NBEAL1: variants seen among roughly 807,000 people sequenced by gnomAD.
NBEAL1 encodes neurobeachin-like protein 1.
Under a neutral mutation model 351.3 loss-of-function variants are expected in NBEAL1, and 273 were observed. The ratio of observed to expected loss-of-function variants is 0.78; its 90% CI spans 0.70 to 0.86. NBEAL1 has a LOEUF of 0.86. Ranked by LOEUF, NBEAL1 falls within the 40% of genes least tolerant of loss-of-function variation. NBEAL1 has a pLI of 0.00. For synonymous variants in NBEAL1, 1,050 were observed against 1,086.4 expected (o/e 0.97, Z 0.66); for missense variants, 2,961 against 3,201.3 (o/e 0.92, Z 1.81).
In NBEAL1 at chr2:203,109,722, G is replaced by A. The variant is rs199647171; in HGVS notation, c.1950-428G>A. On this transcript the variant is annotated intron_variant, in intron 14 of 55. Coordinates refer to ENST00000683969, the MANE Select transcript of NBEAL1 (RefSeq NM_001378026.1). Reference sequence around the variant, plus strand: ...TTTAGTAGAGACGGGGTTTCACCACGTTGGCCAGGCTGGTCTCGAACTCCT... The same window carrying A: ...TTTAGTAGAGACGGGGTTTCACCACATTGGCCAGGCTGGTCTCGAACTCCT... Among the ~76,000 whole-genome samples, 65 of 152,160 alleles carry A rather than the reference G, an allele frequency of 4.3e-4. 1 individual carries two copies. In the East Asian group the frequency reaches 9.5e-3, roughly 22 times the overall value.
chr2:203,062,635 A>G lies in NBEAL1; in HGVS notation c.515+5182A>G, dbSNP rs1034537402. 1.8e-5 allele frequency: 3 copies of G among 165,860 alleles called. No homozygotes were observed. The highest frequency in any genetic ancestry group is 7.2e-5 in the African/African-American group (3 of 41,530). 10.3% of individuals were successfully genotyped at this position (165,860 alleles called of 1,614,324 possible). Reference sequence around the variant, plus strand: ...AAGATGGCAACAGAAAGGGGGGCAAAGTAGAGGATGAGTAGCAGCATTTAA... The same window carrying G: ...AAGATGGCAACAGAAAGGGGGGCAAGGTAGAGGATGAGTAGCAGCATTTAA... On this transcript the variant is annotated intron_variant, in intron 6 of 55. Coordinates refer to ENST00000683969, the MANE Select transcript of NBEAL1 (RefSeq NM_001378026.1). The surrounding 1 kb of genome is among the most constrained non-coding windows in gnomAD (Gnocchi z 4.2).
intron 51 of NBEAL1, among the ~76,000 whole-genome samples, chr2:203,204,886 A>G (rs976570237): frequency 6.6e-6 from 1 of 152,022 alleles, no homozygotes; most frequent in Non-Finnish European, 1.5e-5. Context: ...CCTCTTATCA[A>G]CTCTCATGGT....
intron 18 of NBEAL1, among the ~76,000 whole-genome samples, chr2:203,119,926 G>GT (rs990276563): frequency 6.6e-5 from 10 of 151,828 alleles, no homozygotes; most frequent in African/African-American, 1.7e-4. Flanking sequence ...ATAGTCAACA[G>GT]TTTTTTTTGT....
At chr2:203,026,771 C>T (rs1322506767) in intron 2 of NBEAL1, among the ~76,000 whole-genome samples, 1 of 152,162 alleles carries the variant, frequency 6.6e-6, no homozygotes, top group Non-Finnish European at 1.5e-5. Context: ...CCTCGGCCTC[C>T]CAAAGTGCTG....
chr2:203,217,108 T>G, intron 55 of NBEAL1, 145 bp from the exon 56 acceptor site: 1 of 516,756 alleles, frequency 1.9e-6, no homozygotes, highest in Non-Finnish European at 3.0e-6. Flanking sequence ...CTGGCCGTCT[T>G]TCTCTATTAT....
chr2:203,129,983 G>A (rs543931052), intron 24 of NBEAL1, among the ~76,000 whole-genome samples: 3 of 152,254 alleles, frequency 2.0e-5, no homozygotes, highest in East Asian at 1.9e-4. Flanking sequence ...GCGGCATGAC[G>A]AAACCCCATT....
chr2:203,164,435 AT>A (rs928242565), intron 36 of NBEAL1, among the ~76,000 whole-genome samples: 43 of 149,106 alleles, frequency 2.9e-4, no homozygotes, highest in African/African-American at 6.9e-4. Flanking sequence ...TGTAATTGGG[AT>A]TTTTTTTTTC....
intron 54 of NBEAL1, 22 bp downstream of exon 54, chr2:203,211,128 A>G (rs1237701417): frequency 2.7e-6 from 4 of 1,498,700 alleles, no homozygotes; most frequent in South Asian, 2.9e-5. Flanking sequence ...AAACTAATGA[A>G]GTATCACTTA....
Position 203,175,288 on chromosome 2 carries a change from G to A in NBEAL1, c.6464+1G>A, listed in dbSNP as rs2064466101. 2 of 1,613,300 alleles carry A rather than the reference G, an allele frequency of 1.2e-6. No homozygotes were observed. Among genetic ancestry groups the A allele is most frequent in the Admixed American group, 1.7e-5 (1 of 59,860 alleles). On this transcript the variant is annotated splice_donor_variant, in intron 42 of 55. Transcript: ENST00000683969. LOFTEE classifies it high-confidence loss of function. ...TCCACATCCAACTTCAGAGTGGAAG[G>A]TATGTTTTGAGTAAATAAGCTATTT... is the stretch of plus-strand genomic sequence containing the variant.
intron 4 of NBEAL1, among the ~76,000 whole-genome samples, chr2:203,053,118 T>C (rs1310351563): frequency 6.6e-6 from 1 of 152,174 alleles, no homozygotes; most frequent in East Asian, 1.9e-4. Flanking sequence ...TGCTGTATCA[T>C]ACGGTAAGCT....
chr2:203,131,563 C>T (rs2063073227), intron 25 of NBEAL1, among the ~76,000 whole-genome samples: 1 of 152,078 alleles, frequency 6.6e-6, no homozygotes, highest in East Asian at 1.9e-4. Context: ...ATAGGGAGTG[C>T]CTATTCTTTT....
intron 10 of NBEAL1, among the ~76,000 whole-genome samples, chr2:203,090,926 AAAAGGAAAGGG>A (rs2062051994): frequency 6.6e-6 from 1 of 151,970 alleles, no homozygotes; most frequent in South Asian, 2.1e-4. Context: ...AAGGAAAGGG[AAAAGGAAAGGG>A]AAAGGGAAGG....
intron 31 of NBEAL1, among the ~76,000 whole-genome samples, chr2:203,142,080 A>AG (rs1389686207): frequency 6.6e-6 from 1 of 152,178 alleles, no homozygotes; most frequent in Non-Finnish European, 1.5e-5. Context: ...AATCACCTAG[A>AG]GGAGCATTCT....
chr2:203,208,427 A>C (rs2065672054), intron 51 of NBEAL1, among the ~76,000 whole-genome samples: 1 of 152,228 alleles, frequency 6.6e-6, no homozygotes, highest in Admixed American at 6.5e-5. Flanking sequence ...ATTTATGTTA[A>C]GGTTTTGAGC....
At chr2:203,131,108 C>G (rs1254816766) in intron 25 of NBEAL1, among the ~76,000 whole-genome samples, 1 of 152,172 alleles carries the variant, frequency 6.6e-6, no homozygotes, top group African/African-American at 2.4e-5. Flanking sequence ...CATTAAGAAA[C>G]AAAATTTTAA....
At position 203,133,057 on chromosome 2, in the gene NBEAL1, G is replaced by C. The variant is rs777432476; in HGVS notation, c.3725-1G>C. ...TTAACTTTTTGTTTTTCCTACCATA[G>C]ATCCTGTTATTAATTTCAAAGATCT... On this transcript the variant is annotated splice_acceptor_variant, in intron 26 of 55. Coordinates refer to ENST00000683969, the MANE Select transcript of NBEAL1 (RefSeq NM_001378026.1). LOFTEE classifies it high-confidence loss of function. The C allele has an allele frequency of 1.3e-5, 18 of 1,410,148 alleles. No homozygotes were observed. Among genetic ancestry groups the C allele is most frequent in the Non-Finnish European group, 1.6e-5 (17 of 1,033,756 alleles). The allele number at this position is 1,410,148 out of a possible 1,614,324, so 87.4% of individuals were successfully genotyped here. A position where few individuals can be genotyped will look rare whatever the true frequency, so the allele number is the denominator to read the frequency against.
intron 27 of NBEAL1, among the ~76,000 whole-genome samples, chr2:203,134,334 T>G (rs982066642): frequency 4.6e-5 from 7 of 152,174 alleles, no homozygotes; most frequent in Non-Finnish European, 1.0e-4. Context: ...AAAGTCAGCA[T>G]GAAAAGTTTC....
intron 16 of NBEAL1, among the ~76,000 whole-genome samples, chr2:203,112,408 ATGTGAATT>A (rs1296217205): frequency 2.6e-5 from 4 of 152,258 alleles, no homozygotes; most frequent in African/African-American, 9.6e-5. Flanking sequence ...CTCTCTAAGT[ATGTGAATT>A]ACGTAAGAGA....
At chr2:203,040,084 G>T (rs764936414) in intron 2 of NBEAL1, 8 of 795,778 alleles carry the variant, frequency 1.0e-5, no homozygotes, top group South Asian at 4.3e-5. Context: ...GGTTGTGCAT[G>T]ATCAGTCCTT....
Sources: allele counts gnomAD v4.1 joint callset (sites outside exome capture counted in the v4.1 genomes callset), GRCh38; gene constraint gnomAD v4.1.1; non-coding constraint Gnocchi (gnomAD v3.1); transcripts MANE v1.5; gene names NCBI Gene and HGNC (gene_info 2026-07-23, HGNC 2026-07-21).